CNTNAP2: variants seen among roughly 807,000 people sequenced by gnomAD.
The protein encoded by CNTNAP2 is contactin-associated protein-like 2.
Under a neutral mutation model 155.2 loss-of-function variants are expected in CNTNAP2, and 98 were observed. That is an observed-to-expected ratio of 0.63 (90% CI 0.54 to 0.75). CNTNAP2 has a LOEUF of 0.75. CNTNAP2 is among the 30% of genes least tolerant of loss of function. The pLI is 0.00. For synonymous variants in CNTNAP2, 651 were observed against 631.2 expected (o/e 1.03, Z -0.47); for missense variants, 1,727 against 1,688.1 (o/e 1.02, Z -0.40).
intron 9 of CNTNAP2, among the ~76,000 whole-genome samples, chr7:147,387,706 C>T (rs1796646059): frequency 6.6e-6 from 1 of 152,168 alleles, no homozygotes; most frequent in Non-Finnish European, 1.5e-5. Context: ...GAGTTACAAA[C>T]AATCCAATTA....
At chr7:147,501,387 A>G (rs1798808766) in intron 11 of CNTNAP2, among the ~76,000 whole-genome samples, 1 of 152,132 alleles carries the variant, frequency 6.6e-6, no homozygotes, top group Admixed American at 6.5e-5. Flanking sequence ...AAGCAGAGCA[A>G]TTGGGTAAGA....
chr7:146,703,904 G>C (rs1800919314), intron 1 of CNTNAP2, among the ~76,000 whole-genome samples: 1 of 151,868 alleles, frequency 6.6e-6, no homozygotes, highest in Non-Finnish European at 1.5e-5. Context: ...TCCCTTCTTT[G>C]TTCCAAGTCT....
At chr7:147,953,301 T>C (rs757188801) in intron 14 of CNTNAP2, among the ~76,000 whole-genome samples, 2 of 152,204 alleles carry the variant, frequency 1.3e-5, no homozygotes, top group Admixed American at 6.5e-5. Flanking sequence ...GTGTGAATGA[T>C]TGAATCCTTA....
rs142778831 is a variant in CNTNAP2, at chr7:146,834,377, C to A, written c.209-5334C>A. Among the ~76,000 whole-genome samples the A allele has an allele frequency of 1.9e-3, 294 of 152,260 alleles. 1 individual carries two copies. The highest frequency in any genetic ancestry group is 6.5e-3 in the African/African-American group (272 of 41,554). ...CCACATAGAATGGACACGTAGAATACAAACACTGTATATCTTTACAGCATA... is the reference window on the plus strand; with the variant it reads ...CCACATAGAATGGACACGTAGAATAAAAACACTGTATATCTTTACAGCATA... On this transcript the variant is annotated intron_variant, in intron 2 of 23. Transcript: ENST00000361727.
chr7:147,214,002 T>A (rs936260333), intron 8 of CNTNAP2, among the ~76,000 whole-genome samples: 9 of 152,092 alleles, frequency 5.9e-5, no homozygotes, highest in African/African-American at 2.2e-4. Context: ...TGAGGGCAGA[T>A]CTTCCCCACT....
intron 8 of CNTNAP2, among the ~76,000 whole-genome samples, chr7:147,271,340 A>G (rs1162053778): frequency 6.6e-6 from 1 of 152,034 alleles, no homozygotes; most frequent in South Asian, 2.1e-4. Flanking sequence ...AATGTTCTCA[A>G]TTTTTGCAGC....
chr7:147,261,235 C>T (rs1460273504), intron 8 of CNTNAP2, among the ~76,000 whole-genome samples: 1 of 152,140 alleles, frequency 6.6e-6, no homozygotes, highest in South Asian at 2.1e-4. Context: ...GTTACTCTGG[C>T]AGTGGATTGA....
chr7:147,228,754 C>G (rs916976752), intron 8 of CNTNAP2, among the ~76,000 whole-genome samples: 1 of 151,810 alleles, frequency 6.6e-6, no homozygotes, highest in Non-Finnish European at 1.5e-5. Flanking sequence ...TTTGCTGCAC[C>G]CATCAACCCG....
In CNTNAP2 at chr7:148,365,839, CATGCATGTGTATGCATGTATACATGTAT is replaced by C. The variant is rs1798743517; in HGVS notation, c.3476-17809_3476-17782del. Among the ~76,000 whole-genome samples the C allele has an allele frequency of 5.9e-5, 5 of 85,160 alleles. 2 individuals carry two copies. Among genetic ancestry groups the C allele is most frequent in the African/African-American group, 2.9e-4 (5 of 17,334 alleles). The allele number at this position is 85,160 out of a possible 152,430, so 55.9% of individuals were successfully genotyped here. A position where few individuals can be genotyped will look rare whatever the true frequency, so the allele number is the denominator to read the frequency against. ...ATACATGCATGTGTATGCATGTATA[CATGCATGTGTATGCATGTATACATGTAT>C]GTGTATGCATGTATACATGTATGTG... is the stretch of plus-strand genomic sequence containing the variant. On this transcript the variant is annotated intron_variant, in intron 21 of 23. Transcript: ENST00000361727.
chr7:147,434,487 T>C (rs1279856575), intron 10 of CNTNAP2, among the ~76,000 whole-genome samples: 1 of 152,194 alleles, frequency 6.6e-6, no homozygotes, highest in Non-Finnish European at 1.5e-5. Context: ...AGAGATAGAA[T>C]TGTCTAGCAC....
At chr7:146,954,349 A>T (rs1271715616) in intron 3 of CNTNAP2, among the ~76,000 whole-genome samples, 1 of 151,940 alleles carries the variant, frequency 6.6e-6, no homozygotes, top group East Asian at 1.9e-4. Flanking sequence ...ATGTAATGGA[A>T]ATGCTGCACT....
intron 13 of CNTNAP2, among the ~76,000 whole-genome samples, chr7:147,821,606 G>A (rs555476005): frequency 6.6e-6 from 1 of 152,232 alleles, no homozygotes; most frequent in East Asian, 1.9e-4. Flanking sequence ...GGTAACTTAG[G>A]AACTGAGATT....
At chr7:147,194,591 T>C (rs926923222) in intron 8 of CNTNAP2, among the ~76,000 whole-genome samples, 7 of 152,166 alleles carry the variant, frequency 4.6e-5, no homozygotes, top group Non-Finnish European at 8.8e-5. Context: ...CATCTATTGT[T>C]TCCTGACTTT....
chr7:146,906,095 G>C (rs988973553), intron 3 of CNTNAP2, among the ~76,000 whole-genome samples: 1 of 152,206 alleles, frequency 6.6e-6, no homozygotes, highest in African/African-American at 2.4e-5. Flanking sequence ...CTTTCAGACC[G>C]GCTTAAAAAA....
At chr7:147,049,838 T>G (rs1385729903) in intron 4 of CNTNAP2, among the ~76,000 whole-genome samples, 1 of 152,168 alleles carries the variant, frequency 6.6e-6, no homozygotes, top group Non-Finnish European at 1.5e-5. Context: ...ACTCCCCTTG[T>G]GTTTGTCATC....
In CNTNAP2 at chr7:146,601,364, G is replaced by C. The variant is rs567902540; in HGVS notation, c.98-172907G>C. On this transcript the variant is annotated intron_variant, in intron 1 of 23. Transcript: ENST00000361727. ...TTTTTATAATTGCTGTGCCTACAGT[G>C]AAAATGGCTATTTTGTCACCTAAAC... 2.0e-5 allele frequency among the ~76,000 whole-genome samples: 3 copies of C among 152,182 alleles called. No individual in the cohort carries two copies. The South Asian group carries it at 6.2e-4, about 32-fold the overall frequency.
At chr7:146,339,566 C>A (rs1801338044) in intron 1 of CNTNAP2, among the ~76,000 whole-genome samples, 2 of 152,126 alleles carry the variant, frequency 1.3e-5, no homozygotes, top group African/African-American at 4.8e-5. Context: ...TTAATACCAT[C>A]TCTGGAAATA....
At chr7:147,049,174 T>C (rs1409290341) in intron 4 of CNTNAP2, among the ~76,000 whole-genome samples, 1 of 152,182 alleles carries the variant, frequency 6.6e-6, no homozygotes, top group African/African-American at 2.4e-5. Flanking sequence ...CACTGTTGCA[T>C]TGGGGATTAA....
At chr7:146,210,837 A>ATTTTT (rs11370431) in intron 1 of CNTNAP2, among the ~76,000 whole-genome samples, 1 of 145,272 alleles carries the variant, frequency 6.9e-6, no homozygotes, top group African/African-American at 2.5e-5. Flanking sequence ...AGACTACTTC[A>ATTTTT]TTTTTTTTTT....
Sources: gnomAD v4.1 joint callset for allele counts (sites outside exome capture counted in the v4.1 genomes callset) on GRCh38, gnomAD v4.1.1 for gene constraint, MANE v1.5 for transcripts, NCBI Gene and HGNC (gene_info 2026-07-23, HGNC 2026-07-21) for gene names.